LGMN: variants seen among roughly 807,000 people sequenced by gnomAD.
The protein encoded by LGMN is legumain.
In LGMN, 36 loss-of-function variants were observed where a neutral mutation model predicts 56.8. That is an observed-to-expected ratio of 0.63 (90% confidence interval 0.49 to 0.84). The LOEUF (loss-of-function observed/expected upper bound fraction) is 0.84, where lower values mean the gene tolerates loss of function less well. Ranked by LOEUF, LGMN falls within the 40% of genes least tolerant of loss-of-function variation. The pLI is 0.00. For synonymous variants in LGMN, 199 were observed against 210.1 expected, an observed-to-expected ratio of 0.95 and a Z score of 0.46; for missense variants, 446 against 556.1, an observed-to-expected ratio of 0.80 and a Z score of 1.99.
rs1215903415 is a variant in LGMN, at chr14:92,712,889, C to T, written c.544-18G>A. The T allele has an allele frequency of 6.2e-7, 1 of 1,611,416 alleles. No homozygotes were observed. Among genetic ancestry groups the T allele is most frequent in the Non-Finnish European group, 8.5e-7 (1 of 1,178,560 alleles). ...AACACCATCTGTGAGGCAGACGGGG[C>T]AGGTGAGCTCACCCCATCCAGGTAC... On this transcript the variant is annotated intron_variant, in intron 7 of 13. Coordinates refer to ENST00000334869, the MANE Select transcript of LGMN (RefSeq NM_005606.7).
chr14:92,713,752 C>A, intron 7 of LGMN, 71 bp downstream of exon 7: 1 of 1,022,780 alleles, frequency 9.8e-7, no homozygotes, highest in Non-Finnish European at 1.6e-6. Flanking sequence ...GGTCACGGGA[C>A]TGTGGGCTCT....
Position 92,706,549 on chromosome 14 carries a change from C to G in LGMN, c.1125G>C (p.Gly375=). Residue 375 remains glycine, a synonymous_variant, in exon 12 of 14, where the codon GGG becomes GGC. Transcript: ENST00000334869. The part of the protein sequence containing the change: ...QLLSERAPLT[G]HSCYPEALLH... The stretch of plus-strand genomic sequence containing the variant: ...GCAGGGCCTCTGGGTAGCAGCTGTG[C>G]CCCGTGAGCGGGGCTCTCTCGGACA... 1 of 1,601,932 alleles carries G rather than the reference C, an allele frequency of 6.2e-7. No homozygotes were observed. Among genetic ancestry groups the G allele is most frequent in the Non-Finnish European group, 8.5e-7 (1 of 1,170,342 alleles).
intron 2 of LGMN, among the ~76,000 whole-genome samples, chr14:92,729,471 C>CCCCCCCCCCCCCCCCCCCCCCCCCCCCA (rs1890928588): frequency 1.6e-5 from 1 of 63,544 alleles, no homozygotes; most frequent in Admixed American, 1.3e-4. Context: ...GATCACGCCC[C>CCCCCCCCCCCCCCCCCCCCCCCCCCCCA]CCCCCCCCGC....
intron 2 of LGMN, among the ~76,000 whole-genome samples, chr14:92,729,450 A>C (rs1595554050): frequency 2.9e-4 from 28 of 97,030 alleles, no homozygotes; most frequent in Non-Finnish European, 3.7e-4. Context: ...TGTCCTGCCC[A>C]CATCACCTCA....
At chr14:92,744,785 C>T (rs558866258) in intron 1 of LGMN, among the ~76,000 whole-genome samples, 10 of 151,970 alleles carry the variant, frequency 6.6e-5, no homozygotes, top group South Asian at 2.1e-4. Flanking sequence ...TTAGTAGAGA[C>T]GGGGTTTCTC....
chr14:92,727,687 C>A (rs1191873256), intron 2 of LGMN, among the ~76,000 whole-genome samples: 1 of 152,170 alleles, frequency 6.6e-6, no homozygotes, highest in Non-Finnish European at 1.5e-5. Flanking sequence ...CAAGCCTCTC[C>A]TCCAAGAAGC....
rs375095441 is a variant in LGMN at position 92,724,111 on chromosome 14, A to G, written c.139-5267T>C. Among the ~76,000 whole-genome samples the G allele has an allele frequency of 3.9e-5, 6 of 152,366 alleles. No individual in the cohort carries two copies. The South Asian group carries it at 1.0e-3, about 26-fold the overall frequency. On this transcript the variant is annotated intron_variant, in intron 2 of 13. Coordinates refer to ENST00000334869, the MANE Select transcript of LGMN (RefSeq NM_005606.7). ...TGCACAACTTGGTAAATTTACTAAA[A>G]AATCATTGAATTAGATTAATTAAAC... is the stretch of plus-strand genomic sequence containing the variant.
At chr14:92,706,011 T>G (rs1889411498) in intron 12 of LGMN, among the ~76,000 whole-genome samples, 1 of 152,170 alleles carries the variant, frequency 6.6e-6, no homozygotes, top group African/African-American at 2.4e-5. Context: ...CTAGAAGGAT[T>G]GAAGCACCAC....
intron 8 of LGMN, 52 bp from the exon 9 acceptor site, chr14:92,712,007 T>C (rs1479477838): frequency 9.4e-6 from 13 of 1,380,056 alleles, no homozygotes; most frequent in Non-Finnish European, 1.2e-5. Context: ...CTGCCTTGGA[T>C]TACGCTTGAA....
chr14:92,737,003 A>G (rs1456835897), intron 1 of LGMN, among the ~76,000 whole-genome samples: 1 of 152,118 alleles, frequency 6.6e-6, no homozygotes, highest in Non-Finnish European at 1.5e-5. Flanking sequence ...GTTCCAACCA[A>G]CGGCTCTCAC....
rs78540165 is a variant in LGMN at position 92,719,076 on chromosome 14, C to T, written c.139-232G>A. On this transcript the variant is annotated intron_variant, in intron 2 of 13. Transcript: ENST00000334869. ...AGGAAACTAGTGCACACGTGGGCTA[C>T]GTACACATTGCACATGTGAGCACAC... Among the ~76,000 whole-genome samples the T allele has an allele frequency of 8.3e-3, 1,262 of 152,156 alleles. 73 individuals carry two copies. In the East Asian group the frequency reaches 0.14, roughly 17 times the overall value.
chr14:92,719,151 CGCCACT>C lies in LGMN; in HGVS notation c.139-313_139-308del, dbSNP rs1199262888. 5.4e-3 allele frequency among the ~76,000 whole-genome samples: 586 copies of C among 108,424 alleles called. 7 individuals carry two copies. Among genetic ancestry groups the C allele is most frequent in the Non-Finnish European group, 8.6e-3 (466 of 54,010 alleles). The allele number at this position is 108,424 out of a possible 152,430, so 71.1% of individuals were successfully genotyped here. On this transcript the variant is annotated intron_variant, in intron 2 of 13. Transcript: ENST00000334869. Reference sequence around the variant, plus strand: ...CAACCACCGCCACCGCCACCACCACCGCCACTGCCACCACCACCACCACCACCACCA... The same window carrying C: ...CAACCACCGCCACCGCCACCACCACCGCCACCACCACCACCACCACCACCA...
At chr14:92,719,284 G>A (rs1421902941) in intron 2 of LGMN, among the ~76,000 whole-genome samples, 5,461 of 26,574 alleles carry the variant, frequency 0.21, 286 homozygotes, top group East Asian at 0.37. Context: ...CGCCACCGCC[G>A]CCGCCGCCGC....
chr14:92,704,725 A>G lies in LGMN; in HGVS notation c.1192-18T>C. The G allele has an allele frequency of 1.2e-6, 2 of 1,604,372 alleles. No individual in the cohort carries two copies. Among genetic ancestry groups the G allele is most frequent in the Non-Finnish European group, 8.5e-7 (1 of 1,171,134 alleles). On this transcript the variant is annotated intron_variant, in intron 12 of 13. Coordinates refer to ENST00000334869, the MANE Select transcript of LGMN (RefSeq NM_005606.7). ...TACTCGTACTGGGAGAAAACAAACG[A>G]GAAGAATGAAACTTCCTCATCTCAC...
chr14:92,742,982 C>T (rs1891630085), intron 1 of LGMN: 1 of 149,594 alleles, frequency 6.7e-6, no homozygotes, highest in Non-Finnish European at 1.5e-5. Flanking sequence ...TATAGTGAAC[C>T]ATCCGGCCTG....
rs767881465 is a variant in LGMN, at chr14:92,711,895, T to G, written c.671A>C (p.Lys224Thr). ...ESSYACYYDE[K>T]RSTYLGDWYS... ...CCAGTCCCCCAGGTACGTGGACCTCTTCTCATCATAGTAACAGGCGTAGGA... is the reference window on the plus strand; with the variant it reads ...CCAGTCCCCCAGGTACGTGGACCTCGTCTCATCATAGTAACAGGCGTAGGA... Residue 224 changes from lysine (K) to threonine (T), a missense_variant, in exon 9 of 14, where the codon AAG becomes ACG. By Grantham distance (78) the Lys-to-Thr change is moderately conservative. Transcript: ENST00000334869. 6.2e-7 allele frequency: 1 copy of G among 1,614,190 alleles called. No homozygotes were observed.
intron 1 of LGMN, among the ~76,000 whole-genome samples, chr14:92,745,912 C>T (rs1441388754): frequency 3.9e-5 from 6 of 151,984 alleles, no homozygotes; most frequent in African/African-American, 1.5e-4. Flanking sequence ...ACCTCCGGCT[C>T]CCTGGTTCAA....
At chr14:92,720,669 T>C (rs1186704665) in intron 2 of LGMN, among the ~76,000 whole-genome samples, 1 of 152,120 alleles carries the variant, frequency 6.6e-6, no homozygotes, top group African/African-American at 2.4e-5. Context: ...CTCTGTCGAT[T>C]GTTAGATGCT....
chr14:92,739,151 C>A (rs552727734), intron 1 of LGMN, among the ~76,000 whole-genome samples: 4 of 152,200 alleles, frequency 2.6e-5, no homozygotes, highest in African/African-American at 9.6e-5. Context: ...AATGAACATG[C>A]CTCAAAGTAG....
Sources: gnomAD v4.1 joint callset for allele counts (sites outside exome capture counted in the v4.1 genomes callset) on GRCh38, gnomAD v4.1.1 for gene constraint, MANE v1.5 for transcripts, NCBI Gene and HGNC (gene_info 2026-07-23, HGNC 2026-07-21) for gene names.